MYCBP2: variants seen among roughly 807,000 people sequenced by gnomAD.
MYCBP2 encodes the protein MYC binding protein 2.
MYCBP2 carries 120 observed loss-of-function variants against 525.3 expected under a neutral mutation model. That is an observed-to-expected ratio of 0.23 (90% confidence interval 0.20 to 0.27). MYCBP2 has a LOEUF of 0.27. Among genes scored for constraint, MYCBP2 ranks in the 10% least tolerant of loss-of-function variants. MYCBP2 has a pLI of 1.00. For synonymous variants in MYCBP2, 1,894 were observed against 1,955.8 expected, an observed-to-expected ratio of 0.97 and a Z score of 0.83; for missense variants, 4,149 against 5,657.1, an observed-to-expected ratio of 0.73 and a Z score of 8.55.
intron 79 of MYCBP2, 117 bp from the exon 80 acceptor site, chr13:77,055,884 T>A: frequency 1.5e-6 from 1 of 674,788 alleles, no homozygotes; most frequent in Non-Finnish European, 2.4e-6. Context: ...AGCACACATA[T>A]TCTAAATAAA....
intron 20 of MYCBP2, among the ~76,000 whole-genome samples, 178 bp downstream of exon 20, chr13:77,224,273 C>G (rs914392568): frequency 1.3e-5 from 2 of 152,042 alleles, no homozygotes; most frequent in Non-Finnish European, 2.9e-5. Flanking sequence ...TACAAAAGCA[C>G]TCAACCATAA....
In MYCBP2 at chr13:77,170,721, C is replaced by A. The variant is rs113363855; in HGVS notation, c.5794+771G>T. Among the ~76,000 whole-genome samples the A allele has an allele frequency of 9.6e-3, 1,459 of 152,002 alleles. 24 individuals carry two copies. The highest frequency in any genetic ancestry group is 0.033 in the African/African-American group (1,363 of 41,428). On this transcript the variant is annotated intron_variant, in intron 38 of 82. Coordinates refer to ENST00000544440, the MANE Select transcript of MYCBP2 (RefSeq NM_015057.5). ...CCTTCTGAGTAGCTAGGATTACAGG[C>A]ACCTGCCACCACGCCTGGCTAATTT...
Position 77,062,696 on chromosome 13 carries a change from A to G in MYCBP2, c.12674T>C (p.Leu4225Pro), listed in dbSNP as rs1365906309. ...SPVRCIATTR[L>P]WLALASLCVL... Reference sequence around the variant, plus strand: ...ACATAGGGATGCGAGAGCAAGCCAGAGCTGTTGAAAGGGAAGGCTGTTACA... The same window carrying G: ...ACATAGGGATGCGAGAGCAAGCCAGGGCTGTTGAAAGGGAAGGCTGTTACA... Residue 4225 changes from leucine to proline, a missense_variant and splice_region_variant, in exon 74 of 83, where the codon CTC (leucine) becomes CCC (proline). By Grantham distance (98) the Leu-to-Pro change is moderately conservative. This residue lies in a region of MYCBP2 where 220 missense variants were observed against 396.0 expected (regional missense o/e 0.56). Coordinates refer to ENST00000544440, the MANE Select transcript of MYCBP2 (RefSeq NM_015057.5). The G allele has an allele frequency of 6.2e-7, 1 of 1,613,510 alleles. No individual in the cohort carries two copies. Among genetic ancestry groups the G allele is most frequent in the Non-Finnish European group, 8.5e-7 (1 of 1,179,596 alleles).
At chr13:77,225,406 C>T in intron 19 of MYCBP2, 29 bp downstream of exon 19, 1 of 1,612,698 alleles carries the variant, frequency 6.2e-7, no homozygotes, top group Non-Finnish European at 8.5e-7. Flanking sequence ...TGTAAAAACG[C>T]AGTTATACCC....
At chr13:77,116,099 T>G (rs1267703679) in intron 55 of MYCBP2, among the ~76,000 whole-genome samples, 1 of 151,930 alleles carries the variant, frequency 6.6e-6, no homozygotes. Flanking sequence ...AGCCTATGTT[T>G]CCTTCTCTGT....
At chr13:77,052,122 C>T (rs1285514408) in intron 80 of MYCBP2, among the ~76,000 whole-genome samples, 2 of 152,032 alleles carry the variant, frequency 1.3e-5, no homozygotes, top group African/African-American at 4.8e-5. Flanking sequence ...AAAGCTATTT[C>T]TTCTTTTTCT....
At chr13:77,227,489 C>T (rs866534046) in intron 18 of MYCBP2, among the ~76,000 whole-genome samples, 7 of 137,480 alleles carry the variant, frequency 5.1e-5, no homozygotes, top group South Asian at 2.2e-4. Flanking sequence ...CATACACACA[C>T]ACACACACAC....
chr13:77,267,688 G>A lies in MYCBP2; in HGVS notation c.1357+153C>T, dbSNP rs146392778. On this transcript the variant is annotated intron_variant, in intron 8 of 82. Coordinates refer to ENST00000544440, the MANE Select transcript of MYCBP2 (RefSeq NM_015057.5). Reference sequence around the variant, plus strand: ...TTCTCTTGATATGTATTAACTTCACGTAGACTATAAAATGCTTTGTATGTC... The same window carrying A: ...TTCTCTTGATATGTATTAACTTCACATAGACTATAAAATGCTTTGTATGTC... 2.7e-3 allele frequency among the ~76,000 whole-genome samples: 407 copies of A among 152,216 alleles called. 1 individual carries two copies. Among genetic ancestry groups the A allele is most frequent in the Non-Finnish European group, 2.0e-3 (135 of 68,004 alleles).
intron 62 of MYCBP2, among the ~76,000 whole-genome samples, chr13:77,087,097 A>G (rs2044445226): frequency 1.3e-5 from 2 of 152,174 alleles, no homozygotes; most frequent in East Asian, 1.9e-4. Flanking sequence ...GAATTTGACT[A>G]TGATAATGTT....
chr13:77,095,978 C>A (rs777905720), intron 57 of MYCBP2, among the ~76,000 whole-genome samples: 18 of 150,820 alleles, frequency 1.2e-4, no homozygotes, highest in Non-Finnish European at 2.1e-4. Flanking sequence ...AACAAAGGAG[C>A]CAAAAAAAGA....
chr13:77,209,639 T>A (rs1023237194), intron 23 of MYCBP2, among the ~76,000 whole-genome samples: 6 of 152,172 alleles, frequency 3.9e-5, no homozygotes, highest in African/African-American at 1.4e-4. Context: ...ATAAGAATGA[T>A]CACAAAAGAC....
intron 52 of MYCBP2, among the ~76,000 whole-genome samples, chr13:77,128,042 T>C (rs995277229): frequency 6.6e-6 from 1 of 151,850 alleles, no homozygotes; most frequent in Non-Finnish European, 1.5e-5. Context: ...CTCAAAAAAC[T>C]TAGATTTACA....
intron 52 of MYCBP2, chr13:77,129,447 A>G (rs2052339955): frequency 2.9e-6 from 1 of 339,636 alleles, no homozygotes; most frequent in Non-Finnish European, 5.3e-6. Context: ...CTCCATGGAT[A>G]TAGTGTGTCA....
intron 1 of MYCBP2, among the ~76,000 whole-genome samples, chr13:77,320,705 T>C (rs1488689907): frequency 1.3e-5 from 2 of 152,124 alleles, no homozygotes; most frequent in African/African-American, 4.8e-5. Context: ...ACATATTAAA[T>C]AGTGAGACAA....
At chr13:77,250,224 A>AG (rs2070948567) in intron 15 of MYCBP2, among the ~76,000 whole-genome samples, 1 of 150,182 alleles carries the variant, frequency 6.7e-6, no homozygotes, top group Admixed American at 6.6e-5. Context: ...CTCCGTCTCA[A>AG]AAAAAAAAAA....
chr13:77,097,222 C>G lies in MYCBP2; in HGVS notation c.9784+148G>C. On this transcript the variant is annotated intron_variant, in intron 56 of 82. Coordinates refer to ENST00000544440, the MANE Select transcript of MYCBP2 (RefSeq NM_015057.5). Reference sequence around the variant, plus strand: ...AGAATTTATCTGTTTTTCACAAAACCCTGTACTGATAATGTACTTTAAAAA... The same window carrying G: ...AGAATTTATCTGTTTTTCACAAAACGCTGTACTGATAATGTACTTTAAAAA... 9 of 1,119,728 alleles carry G rather than the reference C, an allele frequency of 8.0e-6. No individual in the cohort carries two copies. The South Asian group carries it at 1.2e-4, about 15-fold the overall frequency. 69.4% of individuals were successfully genotyped at this position (1,119,728 alleles called of 1,614,324 possible).
chr13:77,160,035 T>C (rs998529068), intron 44 of MYCBP2, among the ~76,000 whole-genome samples: 3 of 151,974 alleles, frequency 2.0e-5, no homozygotes, highest in Non-Finnish European at 4.4e-5. Context: ...CAGCTCCCTA[T>C]GATCAGAAGA....
intron 18 of MYCBP2, among the ~76,000 whole-genome samples, chr13:77,228,375 T>G (rs571568881): frequency 2.1e-4 from 32 of 151,694 alleles, no homozygotes; most frequent in Middle Eastern, 3.4e-3. Flanking sequence ...GGTGTGGTGG[T>G]GAATACCTGC....
chr13:77,243,278 A>G, intron 16 of MYCBP2, 118 bp from the exon 17 acceptor site: 1 of 791,666 alleles, frequency 1.3e-6, no homozygotes, highest in East Asian at 2.6e-5. Context: ...TAAAACACAC[A>G]ATATTTTTAC....
Sources: allele counts gnomAD v4.1 joint callset (sites outside exome capture counted in the v4.1 genomes callset), GRCh38; gene constraint gnomAD v4.1.1; regional missense constraint gnomAD v4.1.1; transcripts MANE v1.5; gene names NCBI Gene and HGNC (gene_info 2026-07-23, HGNC 2026-07-21).